The following SLC12A2 variants were observed in gnomAD, a reference collection of about 807,000 sequenced individuals.
The protein encoded by SLC12A2 is Na-K-2Cl cotransporter 1.
Under a neutral mutation model 136.3 loss-of-function variants are expected in SLC12A2, and 67 were observed. The ratio of observed to expected loss-of-function variants is 0.49; its 90% confidence interval spans 0.40 to 0.60. The LOEUF is 0.60. Among genes scored for constraint, SLC12A2 ranks in the 20% least tolerant of loss-of-function variants. SLC12A2 has a pLI of 0.00. For synonymous variants in SLC12A2, 619 were observed against 562.9 expected, an observed-to-expected ratio of 1.10 and a Z score of -1.41; for missense variants, 1,322 against 1,534.7, an observed-to-expected ratio of 0.86 and a Z score of 2.32.
At chr5:128,157,978 AG>A (rs1762915162) in intron 15 of SLC12A2, 74 bp from the exon 16 acceptor site, 2 of 1,225,336 alleles carry the variant, frequency 1.6e-6, no homozygotes, top group East Asian at 4.8e-5. Context: ...AAAGCTTCTT[AG>A]GGAAACAACT....
intron 16 of SLC12A2, among the ~76,000 whole-genome samples, chr5:128,161,053 G>A (rs1056560614): frequency 6.6e-6 from 1 of 151,888 alleles, no homozygotes; most frequent in Non-Finnish European, 1.5e-5. Flanking sequence ...TTACATTTAG[G>A]GTGTGTACTC....
intron 17 of SLC12A2, among the ~76,000 whole-genome samples, chr5:128,163,300 A>T (rs1207659980): frequency 6.6e-6 from 1 of 152,130 alleles, no homozygotes; most frequent in Non-Finnish European, 1.5e-5. Flanking sequence ...AGACTGTGAC[A>T]GGTGGATCAC....
At chr5:128,156,943 G>C (rs185320110) in intron 15 of SLC12A2, among the ~76,000 whole-genome samples, 8 of 152,264 alleles carry the variant, frequency 5.3e-5, no homozygotes, top group South Asian at 2.1e-4. Context: ...GAAATATACT[G>C]TCTGGCTAAG....
chr5:128,173,460 A>G (rs1763443766), intron 19 of SLC12A2, among the ~76,000 whole-genome samples: 1 of 152,190 alleles, frequency 6.6e-6, no homozygotes, highest in Non-Finnish European at 1.5e-5. Flanking sequence ...ATTTTCATGT[A>G]TTTATAATCA....
In SLC12A2 at chr5:128,083,799, C is replaced by G. The variant is rs1759886332; in HGVS notation, c.-156C>G. ...GCGCTCGCTCGGCTGCCGGTGGCCT[C>G]TGTGGCCGTCCAGGCTAGCGGCGGC... On this transcript the variant is annotated 5_prime_UTR_variant, in exon 1 of 27. Transcript: ENST00000262461. The G allele has an allele frequency of 2.0e-6, 1 of 511,784 alleles. No individual in the cohort carries two copies. Among genetic ancestry groups the G allele is most frequent in the Non-Finnish European group, 3.0e-6 (1 of 337,908 alleles). The allele number at this position is 511,784 out of a possible 1,614,324, so 31.7% of individuals were successfully genotyped here. A position where few individuals can be genotyped will look rare whatever the true frequency, so the allele number is the denominator to read the frequency against.
At chr5:128,179,202 C>T (rs1264858146) in intron 22 of SLC12A2, among the ~76,000 whole-genome samples, 2 of 152,200 alleles carry the variant, frequency 1.3e-5, no homozygotes, top group African/African-American at 2.4e-5. Context: ...AGAGGGATTA[C>T]TCTGAGACTA....
In SLC12A2 at chr5:128,187,967, T is replaced by TTGTG. The variant is rs560191665; in HGVS notation, c.*1348_*1351dup. 3.9e-5 allele frequency: 6 copies of TTGTG among 152,058 alleles called. No individual in the cohort carries two copies. In the South Asian group the frequency reaches 8.3e-4, roughly 21 times the overall value. 9.4% of individuals were successfully genotyped at this position (152,058 alleles called of 1,614,324 possible). On this transcript the variant is annotated 3_prime_UTR_variant, in exon 27 of 27. Transcript: ENST00000262461. Reference sequence around the variant, plus strand: ...TTTCAAGGGATTTATGTCTACATATTTGTGTGTGTGTGTGTATATATATGT... The same window carrying TTGTG: ...TTTCAAGGGATTTATGTCTACATATTTGTGTGTGTGTGTGTGTGTATATATATGT...
chr5:128,160,950 C>G (rs910063244), intron 16 of SLC12A2, among the ~76,000 whole-genome samples: 4 of 151,956 alleles, frequency 2.6e-5, no homozygotes, highest in African/African-American at 9.7e-5. Flanking sequence ...TAGTTTGTCT[C>G]TGAGCTGATC....
chr5:128,150,057 T>A lies in SLC12A2; in HGVS notation c.2066T>A (p.Ile689Asn). The A allele has an allele frequency of 6.2e-7, 1 of 1,610,548 alleles. No individual in the cohort carries two copies. Among genetic ancestry groups the A allele is most frequent in the Non-Finnish European group, 8.5e-7 (1 of 1,178,190 alleles). ...TTCTTCCTTGCATCATATGCATTGATCAATTTTTCAGTATTCCATGCATCA... is the reference window on the plus strand; with the variant it reads ...TTCTTCCTTGCATCATATGCATTGAACAATTTTTCAGTATTCCATGCATCA... ...SNFFLASYAL[I>N]NFSVFHASLA... The change falls in exon 13 of 27, where the codon ATC becomes AAC. Residue 689 changes from isoleucine (I) to asparagine (N), a missense_variant. Ile to Asn is a moderately radical substitution (Grantham distance 149, BLOSUM62 -3). This residue lies in a region of SLC12A2 where 294 missense variants were observed against 436.6 expected (regional missense o/e 0.67). Coordinates refer to ENST00000262461, the MANE Select transcript of SLC12A2 (RefSeq NM_001046.3).
intron 10 of SLC12A2, among the ~76,000 whole-genome samples, chr5:128,144,958 T>C (rs1244385267): frequency 1.3e-5 from 2 of 152,168 alleles, no homozygotes; most frequent in African/African-American, 4.8e-5. Flanking sequence ...CTTTTTTTCA[T>C]CTTTGTTTCC....
chr5:128,150,169 A>G, intron 13 of SLC12A2, 71 bp downstream of exon 13: 2 of 958,596 alleles, frequency 2.1e-6, no homozygotes, highest in East Asian at 4.9e-5. Flanking sequence ...CTTTTGCCAC[A>G]TTTTCAAAGA....
At chr5:128,124,437 TG>T (rs1399832984) in intron 4 of SLC12A2, among the ~76,000 whole-genome samples, 1 of 152,188 alleles carries the variant, frequency 6.6e-6, no homozygotes, top group African/African-American at 2.4e-5. Flanking sequence ...GGCTATATAT[TG>T]GGGGTTTCCA....
At chr5:128,135,888 A>G (rs1017938659) in intron 7 of SLC12A2, 80 bp downstream of exon 7, 6 of 832,634 alleles carry the variant, frequency 7.2e-6, no homozygotes, top group African/African-American at 6.9e-5. Flanking sequence ...TACATTTCAG[A>G]TATTTTGTAA....
At position 128,151,339 on chromosome 5, in the gene SLC12A2, T is replaced by C. The variant is rs1024083189; in HGVS notation, c.2206T>C (p.Leu736=). ...VMFVINWWAA[L]LTYVIVLGLY... is the part of the protein sequence containing the mutation. ...GTTCGTCATTAACTGGTGGGCTGCATTGCTAACATATGTGATAGTCCTTGG... is the reference window on the plus strand; with the variant it reads ...GTTCGTCATTAACTGGTGGGCTGCACTGCTAACATATGTGATAGTCCTTGG... The change falls in exon 14 of 27, where the codon TTG becomes CTG. Residue 736 remains leucine (L), a synonymous_variant. Transcript: ENST00000262461. 3.1e-6 allele frequency: 5 copies of C among 1,612,450 alleles called. No homozygotes were observed. The highest frequency in any genetic ancestry group is 2.7e-5 in the African/African-American group (2 of 74,856).
At chr5:128,139,621 G>GT (rs1294392430) in intron 9 of SLC12A2, among the ~76,000 whole-genome samples, 1 of 152,036 alleles carries the variant, frequency 6.6e-6, no homozygotes, top group Non-Finnish European at 1.5e-5. Context: ...GGCAAAGAAG[G>GT]TTTTTTTGTT....
At chr5:128,089,586 C>T (rs1760233923) in intron 1 of SLC12A2, among the ~76,000 whole-genome samples, 1 of 152,144 alleles carries the variant, frequency 6.6e-6, no homozygotes, top group African/African-American at 2.4e-5. Context: ...CCTTGAACTC[C>T]TGAGAGTTGA....
In SLC12A2 at chr5:128,156,290, T is replaced by C. The variant is rs533283899; in HGVS notation, c.2364-1763T>C. Among the ~76,000 whole-genome samples the C allele has an allele frequency of 1.3e-4, 20 of 152,302 alleles. No homozygotes were observed. The South Asian group carries it at 4.1e-3, about 32-fold the overall frequency. ...TCTGATTTGTCAAATCCTTTACTTT[T>C]CTTCCAGTTGCTTTCTAGCTTTCAG... On this transcript the variant is annotated intron_variant, in intron 15 of 26. Transcript: ENST00000262461.
At chr5:128,153,425 CAT>C (rs1762770174) in intron 15 of SLC12A2, among the ~76,000 whole-genome samples, 1 of 152,132 alleles carries the variant, frequency 6.6e-6, no homozygotes, top group East Asian at 1.9e-4. Context: ...CGTAGTGGCG[CAT>C]GCCTGTAGTC....
chr5:128,182,589 A>G (rs186254566), intron 23 of SLC12A2, among the ~76,000 whole-genome samples: 1 of 152,284 alleles, frequency 6.6e-6, no homozygotes, highest in African/African-American at 2.4e-5. Context: ...GCTTCCATTT[A>G]AATTTTATTA....
Sources: gnomAD v4.1 joint callset for allele counts (sites outside exome capture counted in the v4.1 genomes callset) on GRCh38, gnomAD v4.1.1 for gene constraint, gnomAD v4.1.1 regional missense constraint, MANE v1.5 for transcripts, NCBI Gene and HGNC (gene_info 2026-07-23, HGNC 2026-07-21) for gene names.